The following RASA2 variants were observed in gnomAD, a reference collection of about 807,000 sequenced individuals.
RASA2 encodes the protein RAS p21 protein activator 2, also known as ras GTPase-activating protein 2.
A neutral mutation model predicts 118.2 loss-of-function variants in RASA2; 155 were observed. The observed-to-expected ratio is 1.31, with a 90% CI of 1.15 to 1.50. The LOEUF is 1.50. RASA2 is among the 40% of genes most tolerant of loss of function. The pLI, the probability that RASA2 is intolerant of heterozygous loss-of-function variation, is 0.00. For missense variants in RASA2, 1,016 were observed against 1,009.6 expected, an observed-to-expected ratio of 1.01 and a Z score of -0.09; for synonymous variants, 353 against 349.1, an observed-to-expected ratio of 1.01 and a Z score of -0.12.
intron 5 of RASA2, among the ~76,000 whole-genome samples, chr3:141,547,888 T>C (rs1158699245): frequency 2.0e-5 from 3 of 152,196 alleles, no homozygotes; most frequent in Admixed American, 1.3e-4. Context: ...GGTTTTATTA[T>C]TATGAAGGAC....
rs533067430 is a variant in RASA2, at chr3:141,614,431, G to C, written c.*2118G>C. The C allele has an allele frequency of 2.0e-5, 3 of 152,152 alleles. No individual in the cohort carries two copies. The highest frequency in any genetic ancestry group is 4.4e-5 in the Non-Finnish European group (3 of 68,024). 9.4% of individuals were successfully genotyped at this position (152,152 alleles called of 1,614,324 possible). On this transcript the variant is annotated 3_prime_UTR_variant, in exon 24 of 24. Transcript: ENST00000286364. ...AGAGACCATGTAAGTAGGACCCTAA[G>C]ACAACCAAGGAATTTGCTTCCAGGG...
At position 141,513,035 on chromosome 3, in the gene RASA2, C is replaced by T. The variant is rs576774537; in HGVS notation, c.251+755C>T. On this transcript the variant is annotated intron_variant, in intron 2 of 23. Transcript: ENST00000286364. ...CCAAGATTATGCCATTGGACTCTAG[C>T]CTGGGCAACAAGAGTGAAACTCCAT... Among the ~76,000 whole-genome samples the T allele has an allele frequency of 5.3e-5, 8 of 150,176 alleles. No individual in the cohort carries two copies. In the South Asian group the frequency reaches 1.5e-3, roughly 28 times the overall value.
At chr3:141,506,499 T>C (rs1267006222) in intron 1 of RASA2, among the ~76,000 whole-genome samples, 1 of 152,252 alleles carries the variant, frequency 6.6e-6, no homozygotes, top group African/African-American at 2.4e-5. Context: ...CTTAGCAATA[T>C]ATTGAATTTC....
chr3:141,554,137 T>G (rs2082614023), intron 6 of RASA2, among the ~76,000 whole-genome samples, 197 bp downstream of exon 6: 2 of 152,220 alleles, frequency 1.3e-5, no homozygotes, highest in African/African-American at 4.8e-5. Context: ...CAGAAATTGG[T>G]ACCCCATTTT....
chr3:141,518,318 A>T (rs1011085914), intron 3 of RASA2, among the ~76,000 whole-genome samples: 8 of 151,290 alleles, frequency 5.3e-5, no homozygotes, highest in African/African-American at 1.9e-4. Context: ...AACTGTCTCT[A>T]CTAAAAATAC....
intron 19 of RASA2, among the ~76,000 whole-genome samples, chr3:141,601,828 A>C (rs1235708071): frequency 6.6e-6 from 1 of 152,052 alleles, no homozygotes; most frequent in Admixed American, 6.5e-5. Context: ...AAATTGTCTC[A>C]TGGATCTCAC....
intron 16 of RASA2, among the ~76,000 whole-genome samples, chr3:141,580,753 A>T (rs1340216609): frequency 6.6e-6 from 1 of 151,972 alleles, no homozygotes; most frequent in African/African-American, 2.4e-5. Flanking sequence ...ATGAATAGCC[A>T]CTGCACTCCA....
rs1021550266 is a variant in RASA2 at position 141,614,853 on chromosome 3, G to C, written c.*2540G>C. 6.6e-6 allele frequency: 1 copy of C among 152,154 alleles called. No individual in the cohort carries two copies. Among genetic ancestry groups the C allele is most frequent in the Non-Finnish European group, 1.5e-5 (1 of 68,012 alleles). The allele number at this position is 152,154 out of a possible 1,614,324, so 9.4% of individuals were successfully genotyped here. On this transcript the variant is annotated 3_prime_UTR_variant, in exon 24 of 24. Coordinates refer to ENST00000286364, the MANE Select transcript of RASA2 (RefSeq NM_006506.5). ...AATATCACGGGTAATGGGTAAGTGT[G>C]AAAACTAGGCTTTTTTTTATGAAAC...
At chr3:141,516,780 G>GTTT (rs963937406) in intron 3 of RASA2, among the ~76,000 whole-genome samples, 1 of 140,850 alleles carries the variant, frequency 7.1e-6, no homozygotes, top group Non-Finnish European at 1.6e-5. Flanking sequence ...CTCTTTTTTT[G>GTTT]TTTTTTTTTT....
chr3:141,498,009 T>G (rs2081728666), intron 1 of RASA2, among the ~76,000 whole-genome samples: 1 of 152,208 alleles, frequency 6.6e-6, no homozygotes, highest in African/African-American at 2.4e-5. Context: ...GTCTGAAAAT[T>G]TTGGATCCTT....
chr3:141,542,066 A>C (rs1412906343), intron 5 of RASA2, among the ~76,000 whole-genome samples: 2 of 146,008 alleles, frequency 1.4e-5, no homozygotes, highest in Non-Finnish European at 3.0e-5. Flanking sequence ...CTTCCCCCCA[A>C]TTTAAGTTTT....
chr3:141,556,716 T>A (rs2082655571), intron 7 of RASA2, among the ~76,000 whole-genome samples: 2 of 149,234 alleles, frequency 1.3e-5, no homozygotes, highest in Non-Finnish European at 3.0e-5. Context: ...TAGGGAAGGT[T>A]TGAAAAAAGG....
At chr3:141,488,605 C>G (rs1414895060) in intron 1 of RASA2, among the ~76,000 whole-genome samples, 4 of 152,116 alleles carry the variant, frequency 2.6e-5, no homozygotes, top group Admixed American at 2.0e-4. Flanking sequence ...GAAAGTGACA[C>G]CAGAGAGGTA....
intron 4 of RASA2, among the ~76,000 whole-genome samples, chr3:141,538,506 T>C (rs1234092341): frequency 6.6e-6 from 1 of 152,170 alleles, no homozygotes; most frequent in African/African-American, 2.4e-5. Context: ...TTTATTTTTA[T>C]AAGTTAACAT....
rs376313232 is a variant in RASA2, at chr3:141,487,121, C to T, written c.38C>T (p.Ser13Phe). Reference sequence around the variant, plus strand: ...GCGCCTGCTGCTGCGGCGGCTTCTTCCGAGGCGCCAGCGGCGAGTGCGACT... The same window carrying T: ...GCGCCTGCTGCTGCGGCGGCTTCTTTCGAGGCGCCAGCGGCGAGTGCGACT... Reference protein sequence around the residue: ...AAAPAAAAASSEAPAASATAE... With the variant: ...AAAPAAAAASFEAPAASATAE... Residue 13 changes from serine to phenylalanine, a missense_variant, in exon 1 of 24, where the codon TCC becomes TTC. This residue lies in a region of RASA2 where 896 missense variants were observed against 836.4 expected (regional missense o/e 1.07). Transcript: ENST00000286364. The T allele has an allele frequency of 2.3e-4, 323 of 1,428,244 alleles. No individual in the cohort carries two copies. The highest frequency in any genetic ancestry group is 2.8e-4 in the Non-Finnish European group (304 of 1,079,602). The allele number at this position is 1,428,244 out of a possible 1,614,324, so 88.5% of individuals were successfully genotyped here.
At chr3:141,506,116 A>G (rs1241228595) in intron 1 of RASA2, among the ~76,000 whole-genome samples, 1 of 152,244 alleles carries the variant, frequency 6.6e-6, no homozygotes, top group Non-Finnish European at 1.5e-5. Flanking sequence ...GTCGTAATGT[A>G]CACTAGAAAA....
At chr3:141,580,494 G>A (rs200071023) in intron 16 of RASA2, 43 bp downstream of exon 16, 6 of 1,452,128 alleles carry the variant, frequency 4.1e-6, no homozygotes, top group Non-Finnish European at 5.7e-6. Context: ...ACTTCTAAAT[G>A]TTGTTACATC....
At chr3:141,536,307 A>G (rs555788992) in intron 4 of RASA2, among the ~76,000 whole-genome samples, 56 of 152,290 alleles carry the variant, frequency 3.7e-4, no homozygotes, top group Admixed American at 1.4e-3. Context: ...ATCTTGTGAG[A>G]CTTATTCACT....
At chr3:141,546,777 C>G (rs2082492521) in intron 5 of RASA2, among the ~76,000 whole-genome samples, 2 of 152,272 alleles carry the variant, frequency 1.3e-5, no homozygotes, top group Admixed American at 6.5e-5. Flanking sequence ...TTTGTCTAGT[C>G]CAATGTCCTG....
Sources: allele counts gnomAD v4.1 joint callset (sites outside exome capture counted in the v4.1 genomes callset), GRCh38; gene constraint gnomAD v4.1.1; regional missense constraint gnomAD v4.1.1; transcripts MANE v1.5; gene names NCBI Gene and HGNC (gene_info 2026-07-23, HGNC 2026-07-21).